Variants in GPR141 observed in about 807,000 individuals in gnomAD.
GPR141 encodes the protein probable G protein-coupled receptor 141.
Under a neutral mutation model 6.8 loss-of-function variants are expected in GPR141, and 6 were observed. That is an observed-to-expected ratio of 0.88 (90% CI 0.48 to 1.74). The LOEUF (loss-of-function observed/expected upper bound fraction) is 1.74. GPR141 is among the 40% of genes most tolerant of loss of function. The pLI is 0.01. For synonymous variants in GPR141, 140 were observed against 142.3 expected (o/e 0.98, Z 0.11); for missense variants, 372 against 372.9 (o/e 1.00, Z 0.02).
At chr7:37,729,173 CAG>C (rs1408065816) in intron 2 of GPR141, among the ~76,000 whole-genome samples, 5 of 152,246 alleles carry the variant, frequency 3.3e-5, no homozygotes, top group Admixed American at 1.3e-4. Context: ...GGTAGGAACT[CAG>C]AGTTTTTTCT....
intron 2 of GPR141, among the ~76,000 whole-genome samples, chr7:37,688,590 C>T (rs1052335531): frequency 7.2e-5 from 11 of 152,196 alleles, no homozygotes; most frequent in South Asian, 4.1e-4. Flanking sequence ...GCTACTGAGA[C>T]GCACTCATCC....
At chr7:37,719,165 AC>A (rs932889174) in intron 2 of GPR141, among the ~76,000 whole-genome samples, 6 of 152,098 alleles carry the variant, frequency 3.9e-5, no homozygotes, top group African/African-American at 1.4e-4. Flanking sequence ...CAAAGGTTGG[AC>A]CCGGAAACAA....
chr7:37,684,235 A>T (rs985165393), intron 1 of GPR141, among the ~76,000 whole-genome samples: 1 of 152,212 alleles, frequency 6.6e-6, no homozygotes, highest in East Asian at 1.9e-4. Flanking sequence ...AATTATTCAA[A>T]TGCTTATCTT....
At chr7:37,695,173 C>G (rs887291796) in intron 2 of GPR141, among the ~76,000 whole-genome samples, 3 of 152,184 alleles carry the variant, frequency 2.0e-5, no homozygotes, top group Non-Finnish European at 4.4e-5. Context: ...AAGGGTGTAA[C>G]AGCTGCTCAC....
At chr7:37,729,238 AG>A (rs1389408245) in intron 2 of GPR141, among the ~76,000 whole-genome samples, 2 of 152,198 alleles carry the variant, frequency 1.3e-5, no homozygotes, top group Admixed American at 1.3e-4. Flanking sequence ...GACAGAGGGC[AG>A]GGGAAAATCA....
chr7:37,694,334 G>A (rs543746361), intron 2 of GPR141, among the ~76,000 whole-genome samples: 10 of 152,330 alleles, frequency 6.6e-5, no homozygotes, highest in Admixed American at 3.3e-4. Flanking sequence ...CCTTGGCTTA[G>A]GCCCCTCAGG....
In GPR141 at chr7:37,714,910, G is replaced by A. The variant is rs540706821; in HGVS notation, c.-14-25470G>A. ...AAAAAACCCTATGAGTCCTGATTTG[G>A]GTTAGTTTTATCTTCATGAAAGTTA... On this transcript the variant is annotated intron_variant, in intron 2 of 2. Coordinates refer to ENST00000334425, the MANE Select transcript of GPR141 (RefSeq NM_001381946.1). 1.3e-3 allele frequency among the ~76,000 whole-genome samples: 200 copies of A among 152,098 alleles called. 2 individuals are homozygous for A. Among genetic ancestry groups the A allele is most frequent in the African/African-American group, 4.7e-3 (195 of 41,470 alleles).
chr7:37,741,005 T>C lies in GPR141; in HGVS notation c.612T>C (p.Ile204=). The change falls in exon 3 of 3, where the codon ATT becomes ATC. Residue 204 remains isoleucine (I), a synonymous_variant. Coordinates refer to ENST00000334425, the MANE Select transcript of GPR141 (RefSeq NM_001381946.1). ...TGTTGGTCTTCCAGGTCTTCATCAT[T>C]ATGTTGATGGTGCAGAAGCTACGCC... ...VILLVFQVFI[I]MLMVQKLRHS... is the part of the protein sequence containing the mutation. 1 of 1,613,964 alleles carries C rather than the reference T, an allele frequency of 6.2e-7. No individual in the cohort carries two copies. Among genetic ancestry groups the C allele is most frequent in the South Asian group, 1.1e-5 (1 of 91,068 alleles).
intron 2 of GPR141, among the ~76,000 whole-genome samples, chr7:37,722,494 G>A (rs1811386235): frequency 6.6e-6 from 1 of 151,886 alleles, no homozygotes; most frequent in Admixed American, 6.5e-5. Context: ...GGCCAAGGTG[G>A]GCAGATCACT....
At chr7:37,692,742 G>T (rs1382361290) in intron 2 of GPR141, among the ~76,000 whole-genome samples, 1 of 152,184 alleles carries the variant, frequency 6.6e-6, no homozygotes, top group Non-Finnish European at 1.5e-5. Flanking sequence ...TTTCTCTAAT[G>T]ACCAGTGATG....
intron 2 of GPR141, among the ~76,000 whole-genome samples, chr7:37,718,832 C>T (rs956002745): frequency 4.7e-5 from 7 of 149,706 alleles, no homozygotes; most frequent in Non-Finnish European, 8.9e-5. Context: ...CTCATTGAAC[C>T]TTAACCAAGG....
At chr7:37,733,671 C>CAA (rs55943222) in intron 2 of GPR141, among the ~76,000 whole-genome samples, 1,501 of 101,200 alleles carry the variant, frequency 0.015, 23 homozygotes, top group Non-Finnish European at 0.024. Flanking sequence ...AACTCCATCT[C>CAA]AAAAAAAAAA....
chr7:37,688,114 T>C (rs1359420679), intron 2 of GPR141, among the ~76,000 whole-genome samples: 2 of 152,134 alleles, frequency 1.3e-5, no homozygotes, highest in Non-Finnish European at 1.5e-5. Flanking sequence ...ATGAACTATA[T>C]TGAATGCTTC....
At chr7:37,711,024 T>A (rs1341918218) in intron 2 of GPR141, among the ~76,000 whole-genome samples, 1 of 152,138 alleles carries the variant, frequency 6.6e-6, no homozygotes, top group African/African-American at 2.4e-5. Flanking sequence ...ATAAAGCAAG[T>A]GGAGAGACTG....
chr7:37,705,262 G>A (rs1299197341), intron 2 of GPR141, among the ~76,000 whole-genome samples: 1 of 152,132 alleles, frequency 6.6e-6, no homozygotes, highest in Admixed American at 6.6e-5. Context: ...TCATGTGTTT[G>A]CTCTTTTGAA....
At chr7:37,736,842 C>G (rs914223350) in intron 2 of GPR141, among the ~76,000 whole-genome samples, 6 of 151,934 alleles carry the variant, frequency 3.9e-5, no homozygotes. Context: ...AATGGAAACA[C>G]AGAAATTCAA....
At chr7:37,709,304 GTCT>G (rs1810682247) in intron 2 of GPR141, among the ~76,000 whole-genome samples, 1 of 152,098 alleles carries the variant, frequency 6.6e-6, no homozygotes, top group East Asian at 1.9e-4. Context: ...ATACAGGGTT[GTCT>G]TCTTTATCAC....
intron 2 of GPR141, among the ~76,000 whole-genome samples, chr7:37,710,348 A>G (rs1240051966): frequency 6.6e-6 from 1 of 152,184 alleles, no homozygotes; most frequent in African/African-American, 2.4e-5. Context: ...ACTCCATGCA[A>G]GGCTGCCCTG....
chr7:37,709,838 A>T (rs1246234506), intron 2 of GPR141: 1 of 152,206 alleles, frequency 6.6e-6, no homozygotes, highest in East Asian at 1.9e-4. Context: ...GGTATTGCAT[A>T]CAAGAGCTGG....
Sources: allele counts gnomAD v4.1 joint callset (sites outside exome capture counted in the v4.1 genomes callset), GRCh38; gene constraint gnomAD v4.1.1; transcripts MANE v1.5; gene names NCBI Gene and HGNC (gene_info 2026-07-23, HGNC 2026-07-21).